CADM2: variants seen among roughly 807,000 people sequenced by gnomAD.
CADM2 encodes the protein cell adhesion molecule 2, also known as immunoglobulin superfamily member 4D.
A neutral mutation model predicts 49.8 loss-of-function variants in CADM2; 12 were observed. The ratio of observed to expected loss-of-function variants is 0.24; its 90% CI spans 0.15 to 0.39. CADM2 has a LOEUF of 0.39. Ranked by LOEUF, CADM2 falls within the 10% of genes least tolerant of loss-of-function variation. CADM2 has a pLI of 1.00. For missense variants in CADM2, 378 were observed against 492.3 expected, an observed-to-expected ratio of 0.77 and a Z score of 2.20; for synonymous variants, 214 against 175.4, an observed-to-expected ratio of 1.22 and a Z score of -1.74.
chr3:85,973,202 T>C (rs1726361027), intron 8 of CADM2, among the ~76,000 whole-genome samples: 1 of 151,708 alleles, frequency 6.6e-6, no homozygotes, highest in African/African-American at 2.4e-5. Flanking sequence ...AGTGATGTTA[T>C]TGATAAAGCA....
chr3:85,805,541 T>C (rs1345150317), intron 3 of CADM2: 1 of 152,200 alleles, frequency 6.6e-6, no homozygotes, highest in African/African-American at 2.4e-5. Context: ...AGTGGTTCAA[T>C]TTCTATGTGA....
intron 5 of CADM2, among the ~76,000 whole-genome samples, chr3:85,888,445 T>G (rs1419346988): frequency 1.3e-5 from 2 of 152,128 alleles, no homozygotes; most frequent in Non-Finnish European, 2.9e-5. Flanking sequence ...ATCATCTGAA[T>G]CAAGATCAGA....
intron 1 of CADM2, among the ~76,000 whole-genome samples, chr3:85,321,135 T>A (rs1268826389): frequency 9.6e-4 from 20 of 20,888 alleles, no homozygotes; most frequent in South Asian, 3.1e-3. Flanking sequence ...TTTTTTTTTT[T>A]TTTTTTTTTT....
chr3:85,904,926 A>C (rs1716591947), intron 5 of CADM2, among the ~76,000 whole-genome samples: 1 of 152,098 alleles, frequency 6.6e-6, no homozygotes. Flanking sequence ...TAGGAGATGA[A>C]ACTATTTTAT....
intron 1 of CADM2, among the ~76,000 whole-genome samples, chr3:85,006,405 T>G (rs374492152): frequency 6.6e-6 from 1 of 151,914 alleles, no homozygotes; most frequent in East Asian, 1.9e-4. Context: ...CCTCTTCTCC[T>G]AGCAGCATGT....
intron 5 of CADM2, among the ~76,000 whole-genome samples, chr3:85,893,312 G>A (rs1714726334): frequency 6.6e-6 from 1 of 151,882 alleles, no homozygotes; most frequent in South Asian, 2.1e-4. Flanking sequence ...GCTGAAACTG[G>A]ATCCCTTCCC....
At chr3:85,555,095 C>T (rs2061926729) in intron 1 of CADM2, among the ~76,000 whole-genome samples, 2 of 152,038 alleles carry the variant, frequency 1.3e-5, no homozygotes, top group Non-Finnish European at 2.9e-5. Context: ...CTGTGTGTCA[C>T]TGCTTTCACT....
At chr3:85,991,413 G>A (rs898478847) in intron 8 of CADM2, among the ~76,000 whole-genome samples, 1 of 152,182 alleles carries the variant, frequency 6.6e-6, no homozygotes, top group Admixed American at 6.6e-5. Context: ...GGATAAAACA[G>A]AATTGCATTG....
intron 1 of CADM2, among the ~76,000 whole-genome samples, chr3:85,312,082 A>G (rs1470144583): frequency 1.3e-5 from 2 of 152,088 alleles, no homozygotes; most frequent in Non-Finnish European, 2.9e-5. Context: ...AGCCGCTCAT[A>G]TATTATTTTA....
At chr3:85,738,260 C>A (rs2068228622) in intron 2 of CADM2, among the ~76,000 whole-genome samples, 1 of 152,082 alleles carries the variant, frequency 6.6e-6, no homozygotes, top group Non-Finnish European at 1.5e-5. Flanking sequence ...ACACAGCTTC[C>A]CCTAGAAATA....
chr3:85,317,788 G>T (rs1490140987), intron 1 of CADM2, among the ~76,000 whole-genome samples: 2 of 152,120 alleles, frequency 1.3e-5, no homozygotes, highest in African/African-American at 2.4e-5. Flanking sequence ...GAATTCCGGG[G>T]TACATATTCA....
rs1187974010 is a variant in CADM2, at chr3:85,148,742, A to C, written c.61+189074A>C. ...TATATGTATTATATAATGTATTCTC[A>C]CAATAAAATAAGCTAGATAAAAGAA... On this transcript the variant is annotated intron_variant, in intron 1 of 9. Coordinates refer to ENST00000383699, the MANE Select transcript of CADM2 (RefSeq NM_001167675.2). Among the ~76,000 whole-genome samples, 3 of 152,230 alleles carry C rather than the reference A, an allele frequency of 2.0e-5. No individual in the cohort carries two copies. In the East Asian group the frequency reaches 5.8e-4, roughly 29 times the overall value.
At chr3:85,778,441 T>C (rs968766428) in intron 2 of CADM2, among the ~76,000 whole-genome samples, 1 of 152,148 alleles carries the variant, frequency 6.6e-6, no homozygotes, top group Non-Finnish European at 1.5e-5. Flanking sequence ...ATGGAGGTAA[T>C]TGAATCATCA....
At chr3:85,101,248 C>T (rs1027798347) in intron 1 of CADM2, among the ~76,000 whole-genome samples, 6 of 151,962 alleles carry the variant, frequency 3.9e-5, no homozygotes, top group Non-Finnish European at 7.4e-5. Context: ...AGCAAGACTT[C>T]GTCTCAAAAA....
chr3:86,032,972 G>C (rs1190387460), intron 8 of CADM2, among the ~76,000 whole-genome samples: 1 of 151,672 alleles, frequency 6.6e-6, no homozygotes, highest in East Asian at 1.9e-4. Flanking sequence ...TCACTCTATA[G>C]CAACCTTTAT....
intron 6 of CADM2, among the ~76,000 whole-genome samples, chr3:85,919,271 T>C (rs1050051336): frequency 1.3e-5 from 2 of 151,990 alleles, no homozygotes; most frequent in Non-Finnish European, 2.9e-5. Context: ...TGAGTAGCTA[T>C]TTACACATGA....
chr3:85,739,034 ATAT>A (rs2068266189), intron 2 of CADM2, among the ~76,000 whole-genome samples: 1 of 152,150 alleles, frequency 6.6e-6, no homozygotes, highest in Admixed American at 6.5e-5. Flanking sequence ...AAACATGAAT[ATAT>A]GTTTAAAATT....
chr3:85,745,377 C>T (rs1009798777), intron 2 of CADM2, among the ~76,000 whole-genome samples: 4 of 151,948 alleles, frequency 2.6e-5, no homozygotes, highest in Non-Finnish European at 4.4e-5. Context: ...CCTAGTTGAC[C>T]ATAAGTGTTG....
intron 2 of CADM2, among the ~76,000 whole-genome samples, chr3:85,794,691 G>T (rs146765984): frequency 6.6e-6 from 1 of 152,002 alleles, no homozygotes; most frequent in Non-Finnish European, 1.5e-5. Flanking sequence ...TTTAAAATAA[G>T]CTCTCGATGA....
Sources: allele counts gnomAD v4.1 joint callset (sites outside exome capture counted in the v4.1 genomes callset), GRCh38; gene constraint gnomAD v4.1.1; transcripts MANE v1.5; gene names NCBI Gene and HGNC (gene_info 2026-07-23, HGNC 2026-07-21).